The following SH3BGRL2 variants were observed in gnomAD, a reference collection of about 807,000 sequenced individuals.
The protein encoded by SH3BGRL2 is SH3 domain-binding glutamic acid-rich-like protein 2.
Under a neutral mutation model 14.8 loss-of-function variants are expected in SH3BGRL2, and 21 were observed. The observed-to-expected ratio is 1.42, with a 90% confidence interval of 1.01 to 2.05. The LOEUF (loss-of-function observed/expected upper bound fraction) is 2.05. Ranked by LOEUF, SH3BGRL2 falls within the 30% of genes most tolerant of loss-of-function variation. SH3BGRL2 has a pLI of 0.00. For synonymous variants in SH3BGRL2, 50 were observed against 47.8 expected (o/e 1.05, Z -0.19); for missense variants, 147 against 130.8 (o/e 1.12, Z -0.61).
At chr6:79,660,719 A>G (rs1769527279) in intron 1 of SH3BGRL2, among the ~76,000 whole-genome samples, 1 of 152,150 alleles carries the variant, frequency 6.6e-6, no homozygotes, top group African/African-American at 2.4e-5. Flanking sequence ...GAATGGTACC[A>G]GCTCCTCTTT....
chr6:79,546,060 A>G, the SH3BGRL2 span, among the ~76,000 whole-genome samples: 1 of 152,218 alleles, frequency 6.6e-6, no homozygotes, highest in East Asian at 1.9e-4. Context: ...AGTTGAAATC[A>G]TGATATCTGG....
the SH3BGRL2 span, among the ~76,000 whole-genome samples, chr6:79,550,319 C>A: frequency 1.2e-4 from 18 of 152,100 alleles, 1 homozygote; most frequent in Non-Finnish European, 2.6e-4. Context: ...GAAACTGGAA[C>A]CCATATCAGA....
chr6:79,578,075 T>A, the SH3BGRL2 span, among the ~76,000 whole-genome samples: 1 of 152,206 alleles, frequency 6.6e-6, no homozygotes, highest in South Asian at 2.1e-4. Flanking sequence ...GAGAGGGGCA[T>A]CTGCCATTGC....
At chr6:79,586,044 A>G in the SH3BGRL2 span, among the ~76,000 whole-genome samples, 29 of 151,842 alleles carry the variant, frequency 1.9e-4, no homozygotes, top group Non-Finnish European at 2.8e-4. Flanking sequence ...AAAATATACA[A>G]AATTAGCCAG....
At chr6:79,616,419 G>A in the SH3BGRL2 span, among the ~76,000 whole-genome samples, 1 of 152,226 alleles carries the variant, frequency 6.6e-6, no homozygotes, top group Admixed American at 6.5e-5. Context: ...CTGGAGGCAG[G>A]AGTAATAAGA....
the SH3BGRL2 span, among the ~76,000 whole-genome samples, chr6:79,560,620 A>G: frequency 8.5e-5 from 13 of 152,206 alleles, no homozygotes; most frequent in South Asian, 6.2e-4. Flanking sequence ...AAAGAAACAG[A>G]CATAAAAATT....
chr6:79,685,279 T>C (rs192931016), intron 2 of SH3BGRL2, among the ~76,000 whole-genome samples: 2 of 152,352 alleles, frequency 1.3e-5, no homozygotes, highest in East Asian at 1.9e-4. Context: ...CTGGTGGTTT[T>C]CTTACTGTTT....
At chr6:79,663,215 G>A (rs1409518276) in intron 1 of SH3BGRL2, among the ~76,000 whole-genome samples, 2 of 152,132 alleles carry the variant, frequency 1.3e-5, no homozygotes, top group Non-Finnish European at 2.9e-5. Flanking sequence ...CCATCCTTTG[G>A]AGAAGAGGTG....
the SH3BGRL2 span, among the ~76,000 whole-genome samples, chr6:79,571,383 C>G: frequency 6.6e-6 from 1 of 152,186 alleles, no homozygotes; most frequent in African/African-American, 2.4e-5. Flanking sequence ...AACACAGAAC[C>G]TGTAAGAAGT....
chr6:79,549,934 A>G, the SH3BGRL2 span, among the ~76,000 whole-genome samples: 4 of 152,150 alleles, frequency 2.6e-5, no homozygotes, highest in African/African-American at 9.7e-5. Context: ...TGTCATTTCA[A>G]TTTTTTGTTT....
chr6:79,653,693 G>T (rs1235426070), intron 1 of SH3BGRL2, among the ~76,000 whole-genome samples: 1 of 152,212 alleles, frequency 6.6e-6, no homozygotes, highest in East Asian at 1.9e-4. Flanking sequence ...GGAAAGAGAT[G>T]GGGTATGGAA....
intron 2 of SH3BGRL2, among the ~76,000 whole-genome samples, chr6:79,695,889 G>C (rs1770323700): frequency 6.6e-6 from 1 of 152,108 alleles, no homozygotes; most frequent in Non-Finnish European, 1.5e-5. Context: ...TGTGAAGGTA[G>C]GAAGAGAAAA....
At chr6:79,630,605 C>T (rs1006345953), upstream of SH3BGRL2, among the ~76,000 whole-genome samples, 1 of 152,024 alleles carries the variant, frequency 6.6e-6, no homozygotes, top group Non-Finnish European at 1.5e-5. Context: ...GAGGCGAAGC[C>T]ATTGTGTAGG....
intron 2 of SH3BGRL2, among the ~76,000 whole-genome samples, chr6:79,695,872 G>A (rs189632538): frequency 6.6e-6 from 1 of 152,176 alleles, no homozygotes; most frequent in Non-Finnish European, 1.5e-5. Flanking sequence ...ATTCCTTGAT[G>A]CCTTCTTGTG....
the SH3BGRL2 span, among the ~76,000 whole-genome samples, chr6:79,539,765 T>G: frequency 1.3e-5 from 2 of 152,186 alleles, no homozygotes; most frequent in African/African-American, 4.8e-5. Context: ...GGTAGATAAA[T>G]AGACTCTCTA....
intron 1 of SH3BGRL2, among the ~76,000 whole-genome samples, chr6:79,655,466 TTAAAC>T (rs1769387499): frequency 6.6e-6 from 1 of 152,124 alleles, no homozygotes; most frequent in Non-Finnish European, 1.5e-5. Context: ...TTTAAACTAT[TTAAAC>T]TATACAATTC....
chr6:79,600,236 C>T, the SH3BGRL2 span, among the ~76,000 whole-genome samples: 6 of 152,206 alleles, frequency 3.9e-5, no homozygotes, highest in Non-Finnish European at 5.9e-5. Context: ...TATTTTCTTA[C>T]TTTCTCTAAT....
chr6:79,621,669 C>A, the SH3BGRL2 span, among the ~76,000 whole-genome samples: 2 of 152,178 alleles, frequency 1.3e-5, no homozygotes, highest in Non-Finnish European at 2.9e-5. Context: ...CCCCCTTTGT[C>A]TTTCTTGCTA....
the SH3BGRL2 span, among the ~76,000 whole-genome samples, chr6:79,555,279 G>A: frequency 6.6e-6 from 1 of 151,928 alleles, no homozygotes; most frequent in Non-Finnish European, 1.5e-5. Context: ...GCAAAACTCC[G>A]TCTCTACTAA....
Sources: gnomAD v4.1 joint callset for allele counts (sites outside exome capture counted in the v4.1 genomes callset) on GRCh38, gnomAD v4.1.1 for gene constraint, MANE v1.5 for transcripts, NCBI Gene and HGNC (gene_info 2026-07-23, HGNC 2026-07-21) for gene names.